GLI2: variants seen among roughly 807,000 people sequenced by gnomAD.
GLI2 encodes transcription activator GLI2.
In GLI2, 22 loss-of-function variants were observed where a neutral mutation model predicts 78.9. The ratio of observed to expected loss-of-function variants is 0.28; its 90% CI spans 0.20 to 0.40. GLI2 has a LOEUF of 0.40. Ranked by LOEUF, GLI2 falls within the 10% of genes least tolerant of loss-of-function variation. The pLI is 1.00. For synonymous variants in GLI2, 974 were observed against 963.7 expected (o/e 1.01, Z -0.20); for missense variants, 2,097 against 2,213.2 (o/e 0.95, Z 1.05).
chr2:120,826,003 G>A (rs13416604), intron 2 of GLI2, among the ~76,000 whole-genome samples: 16,734 of 152,250 alleles, frequency 0.11, 1,003 homozygotes, highest in African/African-American at 0.15. Flanking sequence ...AACACCACAG[G>A]CCCTTACTGC....
At chr2:120,869,857 A>AG (rs1337716657) in intron 2 of GLI2, among the ~76,000 whole-genome samples, 8 of 152,008 alleles carry the variant, frequency 5.3e-5, no homozygotes, top group Non-Finnish European at 1.0e-4. Flanking sequence ...TCCAGGCTGC[A>AG]GGGGGCCCTG....
At chr2:120,830,126 C>T (rs1005395315) in intron 2 of GLI2, among the ~76,000 whole-genome samples, 1 of 152,294 alleles carries the variant, frequency 6.6e-6, no homozygotes, top group South Asian at 2.1e-4. Flanking sequence ...TAACCGGCCA[C>T]AAGACCCTGG....
At chr2:120,758,117 A>T (rs890321356) in intron 1 of GLI2, among the ~76,000 whole-genome samples, 1 of 152,074 alleles carries the variant, frequency 6.6e-6, no homozygotes. Context: ...GTGAGGAGGG[A>T]TGGCTGGGGA....
chr2:120,927,352 C>T lies in GLI2; in HGVS notation c.149-9C>T, dbSNP rs1362179613. 6.3e-7 allele frequency: 1 copy of T among 1,597,702 alleles called. No individual in the cohort carries two copies. Among genetic ancestry groups the T allele is most frequent in the Non-Finnish European group, 8.6e-7 (1 of 1,165,092 alleles). ...TTTTGAAGTCTTGTTTCTCTCTCCC[C>T]CTCTGCAGTGCCGCAGCATCTCTTG... On this transcript the variant is annotated splice_polypyrimidine_tract_variant and intron_variant, in intron 2 of 13. Transcript: ENST00000361492.
intron 2 of GLI2, among the ~76,000 whole-genome samples, chr2:120,864,324 G>T (rs1034607496): frequency 6.6e-6 from 1 of 152,160 alleles, no homozygotes; most frequent in East Asian, 1.9e-4. Flanking sequence ...TTTTACATGG[G>T]TTGCTCAGGG....
intron 3 of GLI2, among the ~76,000 whole-genome samples, chr2:120,941,347 G>A (rs899684329): frequency 1.3e-5 from 2 of 152,238 alleles, no homozygotes; most frequent in African/African-American, 2.4e-5. Context: ...TGGTAAGCAA[G>A]CTTGCCAGTG....
At position 120,990,885 on chromosome 2, in the gene GLI2, A is replaced by G; in HGVS notation, c.*210A>G. On this transcript the variant is annotated 3_prime_UTR_variant, in exon 14 of 14. Transcript: ENST00000361492. ...GATTATTCCTCAGAACAATGAAAAAAGTCTCCATAGGACAGGAAGGAATGC... is the reference window on the plus strand; with the variant it reads ...GATTATTCCTCAGAACAATGAAAAAGGTCTCCATAGGACAGGAAGGAATGC... 1.7e-6 allele frequency: 1 copy of G among 586,312 alleles called. No homozygotes were observed. Among genetic ancestry groups the G allele is most frequent in the Non-Finnish European group, 3.0e-6 (1 of 330,472 alleles). 36.3% of individuals were successfully genotyped at this position (586,312 alleles called of 1,614,324 possible).
chr2:120,809,880 C>CCA (rs924680209), intron 2 of GLI2, among the ~76,000 whole-genome samples: 5 of 152,074 alleles, frequency 3.3e-5, no homozygotes, highest in Non-Finnish European at 7.4e-5. Flanking sequence ...CAGCTAACTT[C>CCA]CACTCCTTTA....
intron 1 of GLI2, among the ~76,000 whole-genome samples, chr2:120,795,291 G>C (rs1684336445): frequency 6.6e-6 from 1 of 152,034 alleles, no homozygotes; most frequent in Non-Finnish European, 1.5e-5. Flanking sequence ...GGAGGCCAAG[G>C]CAGGTGGATC....
chr2:120,980,812 AAG>A (rs1682683722), intron 10 of GLI2, among the ~76,000 whole-genome samples: 1 of 152,214 alleles, frequency 6.6e-6, no homozygotes, highest in Non-Finnish European at 1.5e-5. Flanking sequence ...AAATTAAAAA[AAG>A]AATATATGTG....
At chr2:120,939,353 G>A (rs2104910519) in intron 3 of GLI2, among the ~76,000 whole-genome samples, 1 of 151,926 alleles carries the variant, frequency 6.6e-6, no homozygotes, top group South Asian at 2.1e-4. Context: ...CTTATCCCCT[G>A]CTCACTCTAA....
chr2:120,935,949 C>T (rs555199299), intron 3 of GLI2, among the ~76,000 whole-genome samples: 5 of 152,216 alleles, frequency 3.3e-5, no homozygotes, highest in South Asian at 2.1e-4. Context: ...GGTGGTCAGC[C>T]GAGAGCAGGA....
intron 3 of GLI2, among the ~76,000 whole-genome samples, chr2:120,940,502 A>G (rs548106230): frequency 2.6e-5 from 4 of 152,280 alleles, no homozygotes; most frequent in African/African-American, 9.6e-5. Flanking sequence ...CACCTCCTGC[A>G]GGAAGCCCTC....
chr2:120,909,563 C>A (rs1678710385), intron 2 of GLI2, among the ~76,000 whole-genome samples: 1 of 152,174 alleles, frequency 6.6e-6, no homozygotes, highest in African/African-American at 2.4e-5. Flanking sequence ...TGCACACCCC[C>A]TCATTTATAA....
intron 1 of GLI2, among the ~76,000 whole-genome samples, chr2:120,765,512 C>A (rs1425617245): frequency 6.6e-6 from 1 of 152,236 alleles, no homozygotes; most frequent in Non-Finnish European, 1.5e-5. Flanking sequence ...GGGAGAGGGC[C>A]AGCTGGCTTT....
At position 120,949,345 on chromosome 2, in the gene GLI2, G is replaced by A. The variant is rs549256691; in HGVS notation, c.255-1898G>A. ...CACAGTCTCCCTCCCATTGAGCTCA[G>A]TGGCTGGCACACAGACATGTGGCTG... On this transcript the variant is annotated intron_variant, in intron 3 of 13. Transcript: ENST00000361492. 5.3e-5 allele frequency among the ~76,000 whole-genome samples: 8 copies of A among 152,372 alleles called. No individual in the cohort carries two copies. The South Asian group carries it at 1.4e-3, about 28-fold the overall frequency.
At chr2:120,812,723 C>G (rs180861294) in intron 2 of GLI2, among the ~76,000 whole-genome samples, 1 of 152,156 alleles carries the variant, frequency 6.6e-6, no homozygotes, top group Non-Finnish European at 1.5e-5. Flanking sequence ...CTCCTGTTGC[C>G]GTCCTTGGCA....
At chr2:120,915,639 T>G (rs1291202014) in intron 2 of GLI2, among the ~76,000 whole-genome samples, 1 of 152,174 alleles carries the variant, frequency 6.6e-6, no homozygotes, top group African/African-American at 2.4e-5. Context: ...CGTCCTCATT[T>G]GCGAACGAAC....
At chr2:120,779,043 G>A (rs1262746158) in intron 1 of GLI2, among the ~76,000 whole-genome samples, 1 of 152,184 alleles carries the variant, frequency 6.6e-6, no homozygotes, top group South Asian at 2.1e-4. Context: ...AGAAGGAAGA[G>A]CATAAACTTC....
Sources: gnomAD v4.1 joint callset for allele counts (sites outside exome capture counted in the v4.1 genomes callset) on GRCh38, gnomAD v4.1.1 for gene constraint, MANE v1.5 for transcripts, NCBI Gene and HGNC (gene_info 2026-07-23, HGNC 2026-07-21) for gene names.